The following MINDY4 variants were observed in gnomAD, a reference collection of about 807,000 sequenced individuals.
MINDY4 encodes MINDY lysine 48 deubiquitinase 4.
In MINDY4, 68 loss-of-function variants were observed where a neutral mutation model predicts 87.0. That is an observed-to-expected ratio of 0.78 (90% CI 0.64 to 0.96). MINDY4 has a LOEUF of 0.96. Among genes scored for constraint, MINDY4 ranks in the 40% least tolerant of loss-of-function variants. The probability of loss-of-function intolerance (pLI) is 0.00; values close to 1 mark genes in which losing one functional copy is unlikely to be tolerated. For synonymous variants in MINDY4, 379 were observed against 363.2 expected, an observed-to-expected ratio of 1.04 and a Z score of -0.50; for missense variants, 919 against 928.2, an observed-to-expected ratio of 0.99 and a Z score of 0.13.
At position 30,875,455 on chromosome 7, in the gene MINDY4, T is replaced by C. The variant is rs373214422; in HGVS notation, c.1810-40T>C. The C allele has an allele frequency of 1.9e-6, 3 of 1,610,816 alleles. No homozygotes were observed. In the South Asian group the frequency reaches 3.3e-5, roughly 18 times the overall value. On this transcript the variant is annotated intron_variant, in intron 14 of 17. Coordinates refer to ENST00000265299, the MANE Select transcript of MINDY4 (RefSeq NM_032222.3). The stretch of plus-strand genomic sequence containing the variant: ...TCCTCTCCACTCTTTCAGTAACTGA[T>C]TCAGACTTGATGAGTCTTTCCCCTT...
chr7:30,871,514 C>T (rs539225781), intron 13 of MINDY4, among the ~76,000 whole-genome samples: 5 of 152,294 alleles, frequency 3.3e-5, no homozygotes, highest in Admixed American at 1.3e-4. Flanking sequence ...CTCTGCTCAC[C>T]GGGATACTGA....
At chr7:30,791,862 T>C (rs1787333897) in intron 5 of MINDY4, among the ~76,000 whole-genome samples, 1 of 152,174 alleles carries the variant, frequency 6.6e-6, no homozygotes. Context: ...GCATAAAATA[T>C]ACTAACAATA....
At chr7:30,850,583 GT>G (rs753655658) in intron 10 of MINDY4, 28 bp downstream of exon 10, 1 of 1,565,534 alleles carries the variant, frequency 6.4e-7, no homozygotes, top group Non-Finnish European at 8.7e-7. Flanking sequence ...CTGTGTTGCC[GT>G]GGCTCATCGT....
chr7:30,805,984 CAG>C (rs1271752035), intron 5 of MINDY4, among the ~76,000 whole-genome samples: 1 of 152,148 alleles, frequency 6.6e-6, no homozygotes, highest in Non-Finnish European at 1.5e-5. Context: ...CTGACAATAC[CAG>C]AGTCATTTTC....
intron 9 of MINDY4, among the ~76,000 whole-genome samples, chr7:30,843,298 G>A (rs1461110247): frequency 6.6e-6 from 1 of 152,230 alleles, no homozygotes; most frequent in Non-Finnish European, 1.5e-5. Flanking sequence ...GTCACTGGGG[G>A]TGGTTAGGGC....
intron 15 of MINDY4, among the ~76,000 whole-genome samples, chr7:30,877,865 A>G (rs1584350147): frequency 1.0e-5 from 1 of 99,266 alleles, no homozygotes; most frequent in African/African-American, 3.9e-5. Flanking sequence ...TTTTAAGTAG[A>G]GATGGGGTTT....
chr7:30,783,729 G>C (rs1787071362), intron 3 of MINDY4, among the ~76,000 whole-genome samples: 1 of 152,154 alleles, frequency 6.6e-6, no homozygotes, highest in Non-Finnish European at 1.5e-5. Flanking sequence ...ACTACTTTGT[G>C]ATGAAGAGTA....
intron 5 of MINDY4, among the ~76,000 whole-genome samples, chr7:30,810,930 A>AG (rs1377437638): frequency 6.6e-6 from 1 of 152,200 alleles, no homozygotes; most frequent in East Asian, 1.9e-4. Flanking sequence ...CACATTTGAA[A>AG]GAAAAAGTCA....
At chr7:30,794,427 A>G (rs75005632) in intron 5 of MINDY4, among the ~76,000 whole-genome samples, 2,707 of 152,178 alleles carry the variant, frequency 0.018, 42 homozygotes, top group Non-Finnish European at 0.026. Context: ...GCTGGAGGAG[A>G]GGGAGCTACT....
chr7:30,785,008 C>G (rs973854485), intron 3 of MINDY4, among the ~76,000 whole-genome samples: 2 of 151,916 alleles, frequency 1.3e-5, no homozygotes, highest in African/African-American at 4.8e-5. Flanking sequence ...AGGTCTCTCA[C>G]TTTGTCTCGT....
chr7:30,832,385 CT>C (rs1475467255), intron 6 of MINDY4, among the ~76,000 whole-genome samples: 3 of 152,228 alleles, frequency 2.0e-5, no homozygotes, highest in Admixed American at 6.5e-5. Context: ...TATCCTGCCC[CT>C]TTGTCTGGGG....
At chr7:30,786,290 T>A (rs1202441882) in intron 4 of MINDY4, 1 of 359,664 alleles carries the variant, frequency 2.8e-6, no homozygotes, top group African/African-American at 2.1e-5. Flanking sequence ...TCTTTGCAGT[T>A]CAGGAGTGGA....
chr7:30,872,132 C>G, intron 13 of MINDY4, 111 bp from the exon 14 acceptor site: 2 of 1,006,294 alleles, frequency 2.0e-6, no homozygotes, highest in Non-Finnish European at 3.1e-6. Flanking sequence ...CCCACCAAAT[C>G]TGGAATTCTG....
At chr7:30,783,808 G>C (rs904397042) in intron 3 of MINDY4, among the ~76,000 whole-genome samples, 1 of 152,034 alleles carries the variant, frequency 6.6e-6, no homozygotes, top group Non-Finnish European at 1.5e-5. Context: ...TTTGATTTTC[G>C]TAAAAACAGG....
At chr7:30,817,654 C>T (rs528064377) in intron 5 of MINDY4, among the ~76,000 whole-genome samples, 104 of 152,192 alleles carry the variant, frequency 6.8e-4, no homozygotes, top group Admixed American at 1.6e-3. Context: ...AGCGGAAGCC[C>T]GGGTTCCCGA....
chr7:30,859,876 C>T (rs1789697288), intron 13 of MINDY4, among the ~76,000 whole-genome samples: 1 of 152,188 alleles, frequency 6.6e-6, no homozygotes, highest in East Asian at 1.9e-4. Flanking sequence ...TCTATGCTGA[C>T]TCTGTATCAG....
chr7:30,817,464 C>T (rs1213107959), intron 5 of MINDY4, among the ~76,000 whole-genome samples: 2 of 146,168 alleles, frequency 1.4e-5, no homozygotes, highest in African/African-American at 5.1e-5. Flanking sequence ...CAAAAACTTA[C>T]TGCTTCTCCA....
At chr7:30,788,328 CAGT>C (rs1461133768) in intron 4 of MINDY4, among the ~76,000 whole-genome samples, 8 of 152,202 alleles carry the variant, frequency 5.3e-5, no homozygotes, top group African/African-American at 1.9e-4. Context: ...TGTACCTTAT[CAGT>C]TTCGCTTGAT....
At chr7:30,875,776 GT>G in intron 15 of MINDY4, 120 bp downstream of exon 15, 1 of 1,142,408 alleles carries the variant, frequency 8.8e-7, no homozygotes, top group Non-Finnish European at 1.2e-6. Flanking sequence ...TTCGGGTCCA[GT>G]TAGAATCACA....
Sources: gnomAD v4.1 joint callset for allele counts (sites outside exome capture counted in the v4.1 genomes callset) on GRCh38, gnomAD v4.1.1 for gene constraint, MANE v1.5 for transcripts, NCBI Gene and HGNC (gene_info 2026-07-23, HGNC 2026-07-21) for gene names.